SGCD: variants seen among roughly 807,000 people sequenced by gnomAD.
SGCD encodes the protein delta-sarcoglycan.
Under a neutral mutation model 36.6 loss-of-function variants are expected in SGCD, and 18 were observed. The observed-to-expected ratio is 0.49, with a 90% confidence interval of 0.34 to 0.73. The LOEUF (loss-of-function observed/expected upper bound fraction) is 0.73. SGCD is among the 30% of genes least tolerant of loss of function. SGCD has a pLI of 0.01. For synonymous variants in SGCD, 133 were observed against 130.6 expected (o/e 1.02, Z -0.12); for missense variants, 387 against 346.7 (o/e 1.12, Z -0.92).
intron 3 of SGCD, among the ~76,000 whole-genome samples, chr5:156,231,440 G>T (rs1208189904): frequency 6.6e-6 from 1 of 152,168 alleles, no homozygotes; most frequent in Non-Finnish European, 1.5e-5. Context: ...GGAGGCTGAG[G>T]CAGGAGAATC....
At chr5:156,502,184 C>T (rs1756486046) in intron 3 of SGCD, among the ~76,000 whole-genome samples, 2 of 151,808 alleles carry the variant, frequency 1.3e-5, no homozygotes, top group Admixed American at 1.3e-4. Context: ...ATAGCTGGGG[C>T]TACAGGCACC....
chr5:155,796,736 G>A, the SGCD span, among the ~76,000 whole-genome samples: 3 of 147,694 alleles, frequency 2.0e-5, no homozygotes, highest in South Asian at 2.2e-4. Context: ...AACCCAGGAG[G>A]TGGAGGTTGT....
At chr5:155,984,326 G>A (rs1287777161) in intron 1 of SGCD, among the ~76,000 whole-genome samples, 1 of 152,204 alleles carries the variant, frequency 6.6e-6, no homozygotes, top group Non-Finnish European at 1.5e-5. Context: ...AGAATACCAA[G>A]TGTAGGGGTT....
chr5:156,477,044 A>T (rs1267588360), intron 3 of SGCD, among the ~76,000 whole-genome samples: 2 of 124,978 alleles, frequency 1.6e-5, no homozygotes, highest in African/African-American at 5.8e-5. Flanking sequence ...ATTTCAAGAG[A>T]AAAAGAAAAA....
At chr5:155,901,624 A>G (rs1447098730) in intron 1 of SGCD, among the ~76,000 whole-genome samples, 1 of 152,100 alleles carries the variant, frequency 6.6e-6, no homozygotes, top group Non-Finnish European at 1.5e-5. Context: ...TTTTATAAAG[A>G]CACGTGGTAA....
rs144008766 is a variant in SGCD, at chr5:155,878,687, A to G, written c.-282+8263A>G. ...TTAGCAAGGAAGAAAGGGAGAAATGACTGTTAGATTGCCAGCCAATGGTGT... is the reference window on the plus strand; with the variant it reads ...TTAGCAAGGAAGAAAGGGAGAAATGGCTGTTAGATTGCCAGCCAATGGTGT... On this transcript the variant is annotated intron_variant, in intron 1 of 9. Transcript: ENST00000517913. 5.2e-3 allele frequency among the ~76,000 whole-genome samples: 787 copies of G among 152,178 alleles called. 2 individuals are homozygous for G. Among genetic ancestry groups the G allele is most frequent in the Middle Eastern group, 0.02 (6 of 294 alleles).
chr5:156,595,230 G>A (rs1760881046), intron 6 of SGCD, among the ~76,000 whole-genome samples, 179 bp downstream of exon 6: 1 of 152,052 alleles, frequency 6.6e-6, no homozygotes, highest in South Asian at 2.1e-4. Context: ...TGAGGGTTGA[G>A]CCCTCATGAA....
In SGCD at chr5:156,647,265, A is replaced by T. The variant is rs147458744; in HGVS notation, c.503-199A>T. On this transcript the variant is annotated intron_variant, in intron 6 of 8. Transcript: ENST00000337851. Reference sequence around the variant, plus strand: ...TCTCAGCAAGAATGCTTTCAAAAGAAGTTCCTTGTTTTTCAAAGGCTGTTT... The same window carrying T: ...TCTCAGCAAGAATGCTTTCAAAAGATGTTCCTTGTTTTTCAAAGGCTGTTT... Among the ~76,000 whole-genome samples, 104 of 152,294 alleles carry T rather than the reference A, an allele frequency of 6.8e-4. No homozygotes were observed. The East Asian group carries it at 0.013, about 20-fold the overall frequency.
chr5:155,895,713 C>T (rs140655662), intron 1 of SGCD, among the ~76,000 whole-genome samples: 49 of 150,492 alleles, frequency 3.3e-4, no homozygotes, highest in African/African-American at 9.7e-4. Context: ...ATGAAGAACA[C>T]ATTTAAATGT....
intron 4 of SGCD, among the ~76,000 whole-genome samples, chr5:156,521,016 CAAA>C (rs3075012): frequency 0.041 from 2,332 of 56,650 alleles, 25 homozygotes; most frequent in African/African-American, 0.14. Context: ...GACTCCGTCT[CAAA>C]AAAAAAAAAA....
At chr5:156,221,044 TG>T (rs1328934325) in intron 3 of SGCD, among the ~76,000 whole-genome samples, 6 of 152,140 alleles carry the variant, frequency 3.9e-5, no homozygotes, top group Non-Finnish European at 2.9e-5. Flanking sequence ...TACCTGTCAT[TG>T]CAAATGTTTG....
chr5:156,540,553 CTGAATATTTACA>C (rs1213603957), intron 4 of SGCD, among the ~76,000 whole-genome samples: 1 of 152,112 alleles, frequency 6.6e-6, no homozygotes, highest in Non-Finnish European at 1.5e-5. Flanking sequence ...CTGTTCCTCC[CTGAATATTTACA>C]TGAAAATCCT....
At chr5:156,593,272 G>A (rs925211527) in intron 5 of SGCD, among the ~76,000 whole-genome samples, 2 of 152,112 alleles carry the variant, frequency 1.3e-5, no homozygotes, top group African/African-American at 2.4e-5. Context: ...CACCCCAGAT[G>A]CCCAGTGGCT....
At chr5:156,727,434 G>A (rs1755834691) in intron 7 of SGCD, among the ~76,000 whole-genome samples, 1 of 152,192 alleles carries the variant, frequency 6.6e-6, no homozygotes, top group Admixed American at 6.5e-5. Flanking sequence ...TTTGTCAATG[G>A]ACAGCCAGTG....
At chr5:155,865,083 C>CATAGATAGATAGATAGATAGATAG in the SGCD span, among the ~76,000 whole-genome samples, 2 of 144,150 alleles carry the variant, frequency 1.4e-5, no homozygotes, top group East Asian at 2.1e-4. Flanking sequence ...TATACATAGC[C>CATAGATAGATAGATAGATAGATAG]ATAGATAGAT....
the SGCD span, among the ~76,000 whole-genome samples, chr5:155,753,832 A>G: frequency 6.6e-6 from 1 of 152,186 alleles, no homozygotes. Context: ...TGCATGTGCA[A>G]TGCTGGAATC....
At chr5:155,734,093 T>A in the SGCD span, among the ~76,000 whole-genome samples, 1 of 147,416 alleles carries the variant, frequency 6.8e-6, no homozygotes. Context: ...TATAATATAA[T>A]AATATTATTA....
At chr5:156,612,102 G>C (rs1422236184) in intron 6 of SGCD, among the ~76,000 whole-genome samples, 1 of 152,118 alleles carries the variant, frequency 6.6e-6, no homozygotes, top group Non-Finnish European at 1.5e-5. Flanking sequence ...TGTTACTAAA[G>C]AATTATTGTG....
intron 4 of SGCD, among the ~76,000 whole-genome samples, chr5:156,577,045 T>C (rs952605134): frequency 3.9e-5 from 6 of 152,184 alleles, no homozygotes; most frequent in African/African-American, 1.4e-4. Flanking sequence ...GTTTTTATGG[T>C]TTTAGGTCTA....
Sources: allele counts gnomAD v4.1 joint callset (sites outside exome capture counted in the v4.1 genomes callset), GRCh38; gene constraint gnomAD v4.1.1; transcripts MANE v1.5; gene names NCBI Gene and HGNC (gene_info 2026-07-23, HGNC 2026-07-21).